ARHGAP24: variants seen among roughly 807,000 people sequenced by gnomAD.
The protein encoded by ARHGAP24 is Rho GTPase activating protein 24.
In ARHGAP24, 50 loss-of-function variants were observed where a neutral mutation model predicts 76.4. The observed-to-expected ratio is 0.65, with a 90% CI of 0.52 to 0.83. The LOEUF (loss-of-function observed/expected upper bound fraction) is 0.83, where lower values mean the gene tolerates loss of function less well. ARHGAP24 is among the 40% of genes least tolerant of loss of function. The probability of loss-of-function intolerance (pLI) is 0.00; values close to 1 mark genes in which losing one functional copy is unlikely to be tolerated. For missense variants in ARHGAP24, 930 were observed against 914.2 expected (o/e 1.02, Z -0.22); for synonymous variants, 345 against 323.3 (o/e 1.07, Z -0.72).
chr4:85,925,780 T>C (rs1315508695), intron 4 of ARHGAP24, among the ~76,000 whole-genome samples: 5 of 152,144 alleles, frequency 3.3e-5, no homozygotes, highest in African/African-American at 1.2e-4. Flanking sequence ...GATGAGTGGC[T>C]ACTGTACATG....
rs150908779 is a variant in ARHGAP24, at chr4:85,603,858, C to T, written c.180+33137C>T. ...GACTAGGCTCTCTGAATCAATTAAGCGTTGATTTTTTTTTTAATCTTTGAA... is the reference window on the plus strand; with the variant it reads ...GACTAGGCTCTCTGAATCAATTAAGTGTTGATTTTTTTTTTAATCTTTGAA... On this transcript the variant is annotated intron_variant, in intron 2 of 9. Coordinates refer to ENST00000395184, the MANE Select transcript of ARHGAP24 (RefSeq NM_001025616.3). Among the ~76,000 whole-genome samples the T allele has an allele frequency of 3.9e-3, 593 of 152,070 alleles. 1 individual carries two copies. Among genetic ancestry groups the T allele is most frequent in the African/African-American group, 0.014 (569 of 41,472 alleles).
intron 5 of ARHGAP24, among the ~76,000 whole-genome samples, chr4:85,970,818 TCTC>T (rs1738926893): frequency 1.3e-5 from 2 of 151,090 alleles, no homozygotes; most frequent in Non-Finnish European, 2.9e-5. Context: ...AGGAATCAAC[TCTC>T]CTTTCAGACT....
chr4:85,737,378 CACAA>C (rs1248598773), intron 3 of ARHGAP24, among the ~76,000 whole-genome samples: 7 of 152,162 alleles, frequency 4.6e-5, no homozygotes, highest in Admixed American at 1.3e-4. Flanking sequence ...CAGTCTGAAA[CACAA>C]AGCCTCAAAG....
intron 3 of ARHGAP24, among the ~76,000 whole-genome samples, chr4:85,794,490 T>C (rs1382298165): frequency 1.3e-5 from 2 of 152,224 alleles, no homozygotes; most frequent in African/African-American, 4.8e-5. Flanking sequence ...TATTCTTTTT[T>C]ATTTTTTTTC....
chr4:85,535,435 C>T (rs369206569), intron 1 of ARHGAP24, among the ~76,000 whole-genome samples: 113 of 152,198 alleles, frequency 7.4e-4, no homozygotes, highest in Middle Eastern at 6.8e-3. Context: ...ATTGGTAGTA[C>T]ACAAATTAAA....
intron 2 of ARHGAP24, among the ~76,000 whole-genome samples, chr4:85,625,223 C>G (rs1720898617): frequency 6.6e-6 from 1 of 152,008 alleles, no homozygotes; most frequent in African/African-American, 2.4e-5. Flanking sequence ...CTATAAATTT[C>G]CCTCTACATA....
intron 3 of ARHGAP24, among the ~76,000 whole-genome samples, chr4:85,752,076 A>C (rs1313424840): frequency 6.6e-6 from 1 of 152,134 alleles, no homozygotes; most frequent in Non-Finnish European, 1.5e-5. Flanking sequence ...CCACATAGCC[A>C]TACAAGCATT....
chr4:85,566,516 G>A (rs77185465), intron 1 of ARHGAP24, among the ~76,000 whole-genome samples: 4,354 of 152,228 alleles, frequency 0.029, 95 homozygotes, highest in South Asian at 0.057. Flanking sequence ...AGTTCTTAGC[G>A]TACACATTCT....
chr4:85,966,563 A>T (rs769485111), intron 5 of ARHGAP24, among the ~76,000 whole-genome samples: 6 of 152,162 alleles, frequency 3.9e-5, no homozygotes, highest in African/African-American at 7.2e-5. Flanking sequence ...TTTGAACAGA[A>T]CCAGACTTTT....
At chr4:85,729,483 T>A (rs147324244) in intron 3 of ARHGAP24, among the ~76,000 whole-genome samples, 1 of 152,188 alleles carries the variant, frequency 6.6e-6, no homozygotes, top group African/African-American at 2.4e-5. Context: ...TCAACCAACA[T>A]ACATTTGGGG....
intron 3 of ARHGAP24, among the ~76,000 whole-genome samples, chr4:85,899,388 TTTTA>T (rs754581327): frequency 2.0e-5 from 3 of 152,222 alleles, no homozygotes; most frequent in East Asian, 3.8e-4. Context: ...CAGTAGTACC[TTTTA>T]GATCCTAGTG....
chr4:85,835,132 C>T (rs1730190624), intron 3 of ARHGAP24, among the ~76,000 whole-genome samples: 1 of 152,100 alleles, frequency 6.6e-6, no homozygotes, highest in African/African-American at 2.4e-5. Context: ...AGACCCATCA[C>T]TTAGCTAGTG....
chr4:85,948,571 T>C (rs1176273636), intron 5 of ARHGAP24, among the ~76,000 whole-genome samples: 1 of 152,196 alleles, frequency 6.6e-6, no homozygotes, highest in Non-Finnish European at 1.5e-5. Context: ...CCAAATCAAG[T>C]TCTTGATAAC....
Position 85,980,903 on chromosome 4 carries a change from G to A in ARHGAP24, c.928+3212G>A, listed in dbSNP as rs1015401851. On this transcript the variant is annotated intron_variant, in intron 8 of 9. Coordinates refer to ENST00000395184, the MANE Select transcript of ARHGAP24 (RefSeq NM_001025616.3). ...TGGCACCTTAGTACAAATCAAGGCA[G>A]TGCCACCAAACCCAACTAGCACCAT... Among the ~76,000 whole-genome samples, 5 of 152,298 alleles carry A rather than the reference G, an allele frequency of 3.3e-5. No individual in the cohort carries two copies. In the East Asian group the frequency reaches 7.7e-4, roughly 23 times the overall value.
At position 85,977,683 on chromosome 4, in the gene ARHGAP24, T is replaced by C; in HGVS notation, c.920T>C (p.Ile307Thr). ...LRPKVEDPLT[I>T]MEGTVVVQQL... ...CCCAAAGTGGAAGATCCTTTGACTA[T>C]CATGGAGGGTAAGTAAATGATTATC... is the stretch of plus-strand genomic sequence containing the variant. Residue 307 changes from isoleucine to threonine, a missense_variant, in exon 8 of 10, where the codon ATC (isoleucine) becomes ACC (threonine). Physicochemically the swap from Ile to Thr is moderately conservative, Grantham distance 89. Coordinates refer to ENST00000395184, the MANE Select transcript of ARHGAP24 (RefSeq NM_001025616.3). The C allele has an allele frequency of 6.2e-7, 1 of 1,613,806 alleles. No homozygotes were observed. The highest frequency in any genetic ancestry group is 8.5e-7 in the Non-Finnish European group (1 of 1,179,752).
At chr4:85,803,823 G>A (rs988939845) in intron 3 of ARHGAP24, among the ~76,000 whole-genome samples, 12 of 152,092 alleles carry the variant, frequency 7.9e-5, no homozygotes, top group Admixed American at 7.2e-4. Flanking sequence ...AGAGTCAGAG[G>A]CTCCTAATGG....
At chr4:85,808,701 A>G (rs1312204860) in intron 3 of ARHGAP24, among the ~76,000 whole-genome samples, 1 of 151,766 alleles carries the variant, frequency 6.6e-6, no homozygotes, top group African/African-American at 2.4e-5. Flanking sequence ...CTGGTGTAGC[A>G]GCTCCTTCTC....
Position 86,000,923 on chromosome 4 carries a change from T to A in ARHGAP24, c.*201T>A, listed in dbSNP as rs947234645. The A allele has an allele frequency of 1.4e-6, 1 of 729,496 alleles. No individual in the cohort carries two copies. Among genetic ancestry groups the A allele is most frequent in the Non-Finnish European group, 2.2e-6 (1 of 454,082 alleles). 45.2% of individuals were successfully genotyped at this position (729,496 alleles called of 1,614,324 possible). On this transcript the variant is annotated 3_prime_UTR_variant, in exon 10 of 10. Coordinates refer to ENST00000395184, the MANE Select transcript of ARHGAP24 (RefSeq NM_001025616.3). Reference sequence around the variant, plus strand: ...TGCCCCATAATGCTACTGTCAAGTGTTACAACTGGATATGTGTATATAGAG... The same window carrying A: ...TGCCCCATAATGCTACTGTCAAGTGATACAACTGGATATGTGTATATAGAG...
intron 1 of ARHGAP24, among the ~76,000 whole-genome samples, chr4:85,477,932 G>C (rs1191840851): frequency 2.3e-4 from 35 of 152,200 alleles, no homozygotes; most frequent in Admixed American, 2.3e-3. Flanking sequence ...CTGACCAGCA[G>C]TGAAGGGTTC....
Sources: gnomAD v4.1 joint callset for allele counts (sites outside exome capture counted in the v4.1 genomes callset) on GRCh38, gnomAD v4.1.1 for gene constraint, MANE v1.5 for transcripts, NCBI Gene and HGNC (gene_info 2026-07-23, HGNC 2026-07-21) for gene names.